The following SBNO2 variants were observed in gnomAD, a reference collection of about 807,000 sequenced individuals.
SBNO2 encodes the protein protein strawberry notch homolog 2.
Under a neutral mutation model 146.3 loss-of-function variants are expected in SBNO2, and 89 were observed. The ratio of observed to expected loss-of-function variants is 0.61; its 90% confidence interval spans 0.51 to 0.73. SBNO2 has a LOEUF of 0.73. Among genes scored for constraint, SBNO2 ranks in the 30% least tolerant of loss-of-function variants. The pLI, the probability that SBNO2 is intolerant of heterozygous loss-of-function variation, is 0.00. For synonymous variants in SBNO2, 1,147 were observed against 892.6 expected (o/e 1.29, Z -5.08); for missense variants, 2,092 against 2,003.7 (o/e 1.04, Z -0.84).
At chr19:1,117,222 C>G in intron 15 of SBNO2, 101 bp downstream of exon 15, 2 of 1,229,280 alleles carry the variant, frequency 1.6e-6, no homozygotes, top group Non-Finnish European at 2.2e-6. Flanking sequence ...GTGCAGCCCC[C>G]GCCCACGTCT....
In SBNO2 at chr19:1,140,456, G is replaced by A. The variant is rs909162761; in HGVS notation, c.279+6853C>T. 2.0e-5 allele frequency among the ~76,000 whole-genome samples: 3 copies of A among 152,204 alleles called. No individual in the cohort carries two copies. Among genetic ancestry groups the A allele is most frequent in the Admixed American group, 6.5e-5 (1 of 15,278 alleles). ...GATGGCTTCGCGCCAACCTGGAGAC[G>A]GAAGGCTGAGCAGAAGTGAGGGGGG... is the stretch of plus-strand genomic sequence containing the variant. On this transcript the variant is annotated intron_variant, in intron 4 of 31. Coordinates refer to ENST00000361757, the MANE Select transcript of SBNO2 (RefSeq NM_014963.3). The surrounding 1 kb of genome is among the most constrained non-coding windows in gnomAD (Gnocchi z 4.4).
At chr19:1,147,971 G>C (rs1171183931) in intron 3 of SBNO2, among the ~76,000 whole-genome samples, 1 of 152,162 alleles carries the variant, frequency 6.6e-6, no homozygotes, top group Non-Finnish European at 1.5e-5. Flanking sequence ...CCTCTCTCCA[G>C]ATGATCCCAG....
chr19:1,108,521 G>A lies in SBNO2; in HGVS notation c.3800C>T (p.Ala1267Val), dbSNP rs2079703391. 8.2e-7 allele frequency: 1 copy of A among 1,216,220 alleles called. No individual in the cohort carries two copies. Among genetic ancestry groups the A allele is most frequent in the East Asian group, 4.0e-5 (1 of 25,088 alleles). 75.3% of individuals were successfully genotyped at this position (1,216,220 alleles called of 1,614,324 possible). ...AGAGAAGTGCGGGGGCGGCGGGAAGGCCTCGGCCGGGGGGCTGTAGGTGAG... is the reference window on the plus strand; with the variant it reads ...AGAGAAGTGCGGGGGCGGCGGGAAGACCTCGGCCGGGGGGCTGTAGGTGAG... ...LDLTYSPPAE[A>V]FPPPPHFSFP... Residue 1267 changes from alanine (A) to valine (V), a missense_variant, in exon 32 of 32, where the codon GCC becomes GTC. Physicochemically the swap from Ala to Val is moderately conservative, Grantham distance 64. Transcript: ENST00000361757.
rs1056895621 is a variant in SBNO2, at chr19:1,126,852, C to T, written c.441+752G>A. Among the ~76,000 whole-genome samples, 1 of 152,210 alleles carries T rather than the reference C, an allele frequency of 6.6e-6. No homozygotes were observed. Among genetic ancestry groups the T allele is most frequent in the African/African-American group, 2.4e-5 (1 of 41,444 alleles). On this transcript the variant is annotated intron_variant, in intron 5 of 31. Coordinates refer to ENST00000361757, the MANE Select transcript of SBNO2 (RefSeq NM_014963.3). This position sits in a 1 kb window ranked among gnomAD's most constrained non-coding sequence, Gnocchi z 4.4. ...GGACTTGCCAGGCCTGGCTCCCAGC[C>T]ATGCCTCCCTCACCAGACACCTCCA...
chr19:1,109,392 G>C lies in SBNO2; in HGVS notation c.3248C>G (p.Ala1083Gly). 6.4e-7 allele frequency: 1 copy of C among 1,570,348 alleles called. No individual in the cohort carries two copies. The highest frequency in any genetic ancestry group is 8.6e-7 in the Non-Finnish European group (1 of 1,158,756). Residue 1083 changes from alanine (A) to glycine (G), a missense_variant, in exon 29 of 32, where the codon GCG (alanine) becomes GGG (glycine). Physicochemically the swap from Ala to Gly is moderately conservative, Grantham distance 60. Transcript: ENST00000361757. This position sits in a 1 kb window ranked among gnomAD's most constrained non-coding sequence, Gnocchi z 4.2. Reference sequence around the variant, plus strand: ...GAAGAACTGGCCGCGGTTCTGCTCCGCCAGCAGGCAGCTGGGCTTGTTACC... The same window carrying C: ...GAAGAACTGGCCGCGGTTCTGCTCCCCCAGCAGGCAGCTGGGCTTGTTACC... ...VRGNKPSCLL[A>G]EQNRGQFFTV...
chr19:1,146,279 G>A (rs2080189007), intron 4 of SBNO2, among the ~76,000 whole-genome samples: 2 of 152,206 alleles, frequency 1.3e-5, no homozygotes. Flanking sequence ...TCAGGGTCCG[G>A]CTGGCTTTGC....
In SBNO2 at chr19:1,112,272, C is replaced by A; in HGVS notation, c.2545G>T (p.Ala849Ser). ...GAGATGAGGAAGACATACTCTGGCG[C>A]GGAGACCTGGTTGGACCGGTGGGTG... Reference protein sequence around the residue: ...GRTHRSNQVSAPEYVFLISEL... With the variant: ...GRTHRSNQVSSPEYVFLISEL... Residue 849 changes from alanine (A) to serine (S), a missense_variant, in exon 22 of 32, where the codon GCG becomes TCG. Coordinates refer to ENST00000361757, the MANE Select transcript of SBNO2 (RefSeq NM_014963.3). The surrounding 1 kb of genome is among the most constrained non-coding windows in gnomAD (Gnocchi z 5.9). 12 of 1,590,752 alleles carry A rather than the reference C, an allele frequency of 7.5e-6. No individual in the cohort carries two copies. The highest frequency in any genetic ancestry group is 1.0e-5 in the Non-Finnish European group (12 of 1,169,290).
rs758027054 is a variant in SBNO2, at chr19:1,109,429, G to A, written c.3217-6C>T. 1 of 1,564,152 alleles carries A rather than the reference G, an allele frequency of 6.4e-7. No homozygotes were observed. Among genetic ancestry groups the A allele is most frequent in the Non-Finnish European group, 8.7e-7 (1 of 1,155,474 alleles). ...CTGGGCTTGTTACCGCGGACCTGCGGAGGGGGGCGTTGAGGCCGCGCCCCG... is the reference window on the plus strand; with the variant it reads ...CTGGGCTTGTTACCGCGGACCTGCGAAGGGGGGCGTTGAGGCCGCGCCCCG... On this transcript the variant is annotated splice_polypyrimidine_tract_variant and splice_region_variant and intron_variant, in intron 28 of 31. Transcript: ENST00000361757. This position sits in a 1 kb window ranked among gnomAD's most constrained non-coding sequence, Gnocchi z 4.2.
At chr19:1,159,962 A>T (rs1378944486) in intron 1 of SBNO2, among the ~76,000 whole-genome samples, 1 of 151,964 alleles carries the variant, frequency 6.6e-6, no homozygotes, top group South Asian at 2.1e-4. Flanking sequence ...GAGACCCCAG[A>T]GTGTCCGGCG....
chr19:1,166,608 A>C (rs2080427358), intron 1 of SBNO2, among the ~76,000 whole-genome samples: 1 of 98,682 alleles, frequency 1.0e-5, no homozygotes, highest in Non-Finnish European at 2.1e-5. Flanking sequence ...CGAGACCGCA[A>C]CTGCACGCGC....
intron 4 of SBNO2, among the ~76,000 whole-genome samples, chr19:1,142,609 G>A (rs919406347): frequency 1.3e-5 from 2 of 152,190 alleles, no homozygotes; most frequent in African/African-American, 4.8e-5. Context: ...ACACTTGGGA[G>A]GCAGAGGTTG....
rs573403189 is a variant in SBNO2 at position 1,126,802 on chromosome 19, C to T, written c.441+802G>A. On this transcript the variant is annotated intron_variant, in intron 5 of 31. Transcript: ENST00000361757. The surrounding 1 kb of genome is among the most constrained non-coding windows in gnomAD (Gnocchi z 4.4). The stretch of plus-strand genomic sequence containing the variant: ...GCTCCCAAAGTCTAGAAGCTTCTCT[C>T]GTGGACAGGCCCGGATTGGGGAAGG... Among the ~76,000 whole-genome samples, 12 of 152,352 alleles carry T rather than the reference C, an allele frequency of 7.9e-5. No homozygotes were observed. The highest frequency in any genetic ancestry group is 3.4e-3 in the Middle Eastern group (1 of 294).
chr19:1,118,092 T>A (rs778699117), intron 14 of SBNO2, among the ~76,000 whole-genome samples: 2 of 151,922 alleles, frequency 1.3e-5, no homozygotes, highest in Admixed American at 6.5e-5. Context: ...TCACAGCACT[T>A]TGGGAGGCTG....
In SBNO2 at chr19:1,122,243, A is replaced by C; in HGVS notation, c.1045T>G (p.Phe349Val). ...CCAATCAGGGCGGAGTAGGTGGCGA[A>C]GAGGACGCCCTCTGAGGTAGTGGTG... ...GDTTTSEGVL[F>V]ATYSALIGES... The change falls in exon 11 of 32, where the codon TTC becomes GTC. Residue 349 changes from phenylalanine (F) to valine (V), a missense_variant. Coordinates refer to ENST00000361757, the MANE Select transcript of SBNO2 (RefSeq NM_014963.3). 1 of 1,582,148 alleles carries C rather than the reference A, an allele frequency of 6.3e-7. No individual in the cohort carries two copies. The highest frequency in any genetic ancestry group is 2.3e-5 in the East Asian group (1 of 43,418).
chr19:1,152,386 T>G (rs1486852669), intron 2 of SBNO2, among the ~76,000 whole-genome samples: 8 of 152,224 alleles, frequency 5.3e-5, no homozygotes, highest in Non-Finnish European at 1.0e-4. Context: ...CCTCCTGGAT[T>G]AGTCCCCAGG....
rs757197720 is a variant in SBNO2, at chr19:1,124,071, G to C, written c.442-49C>G. On this transcript the variant is annotated intron_variant, in intron 5 of 31. Coordinates refer to ENST00000361757, the MANE Select transcript of SBNO2 (RefSeq NM_014963.3). ...CCCGGGCCAGACGGGACAGGTCACA[G>C]CTGGTGGGCCCTCGCAGCCTGGCCA... 3.2e-6 allele frequency: 5 copies of C among 1,567,150 alleles called. No homozygotes were observed. The Admixed American group carries it at 8.9e-5, about 28-fold the overall frequency.
chr19:1,112,425 G>C lies in SBNO2; in HGVS notation c.2492C>G (p.Ala831Gly). The C allele has an allele frequency of 6.2e-7, 1 of 1,605,590 alleles. No homozygotes were observed. The highest frequency in any genetic ancestry group is 8.5e-7 in the Non-Finnish European group (1 of 1,178,318). Reference protein sequence around the residue: ...VHMTLELPWSADRAIQQFGRT... With the variant: ...VHMTLELPWSGDRAIQQFGRT... The stretch of plus-strand genomic sequence containing the variant: ...ACCGAACTGCTGGATGGCGCGGTCG[G>C]CGCTCCACGGCAGCTCCAAGGTCAT... Residue 831 changes from alanine (A) to glycine (G), a missense_variant, in exon 21 of 32, where the codon GCC (alanine) becomes GGC (glycine). Transcript: ENST00000361757. The surrounding 1 kb of genome is among the most constrained non-coding windows in gnomAD (Gnocchi z 5.9).
intron 12 of SBNO2, 114 bp downstream of exon 12, chr19:1,119,792 G>A: frequency 1.0e-6 from 1 of 972,986 alleles, no homozygotes; most frequent in South Asian, 1.5e-5. Flanking sequence ...AGTGTCCGAG[G>A]AGGAGCAGGG....
chr19:1,108,888 G>T lies in SBNO2; in HGVS notation c.3507C>A (p.Gly1169=). 1.3e-6 allele frequency: 2 copies of T among 1,588,590 alleles called. No individual in the cohort carries two copies. The highest frequency in any genetic ancestry group is 1.7e-6 in the Non-Finnish European group (2 of 1,174,620). Residue 1169 remains glycine (G), a synonymous_variant, in exon 31 of 32, where the codon GGC becomes GGA. Transcript: ENST00000361757. ...TGCGGCCCCACACGCGCAGCAGCGC[G>T]CCGCACAGCATGTAGTGGTGCCGCA... ...LRLRHHYMLC[G]ALLRVWGRIA...
Sources: allele counts gnomAD v4.1 joint callset (sites outside exome capture counted in the v4.1 genomes callset), GRCh38; gene constraint gnomAD v4.1.1; non-coding constraint Gnocchi (gnomAD v3.1); transcripts MANE v1.5; gene names NCBI Gene and HGNC (gene_info 2026-07-23, HGNC 2026-07-21).